Variants in SYNE2 observed in about 807,000 individuals in gnomAD.
SYNE2 encodes spectrin repeat containing nuclear envelope protein 2.
Under a neutral mutation model 856.3 loss-of-function variants are expected in SYNE2, and 431 were observed. That is an observed-to-expected ratio of 0.50 (90% confidence interval 0.47 to 0.55). SYNE2 has a LOEUF of 0.55. SYNE2 is among the 20% of genes least tolerant of loss of function. The probability of loss-of-function intolerance (pLI) is 0.00; values close to 1 mark genes in which losing one functional copy is unlikely to be tolerated. For synonymous variants in SYNE2, 2,923 were observed against 2,872.3 expected (o/e 1.02, Z -0.56); for missense variants, 8,129 against 8,023.2 (o/e 1.01, Z -0.50).
chr14:63,893,287 G>A (rs879635193), intron 1 of SYNE2, among the ~76,000 whole-genome samples: 5 of 152,312 alleles, frequency 3.3e-5, no homozygotes, highest in Admixed American at 6.5e-5. Context: ...GGCCAGGTGC[G>A]GTGGCTCGCA....
chr14:64,053,293 C>T lies in SYNE2; in HGVS notation c.9380C>T (p.Ala3127Val). The T allele has an allele frequency of 6.2e-7, 1 of 1,607,952 alleles. No individual in the cohort carries two copies. The highest frequency in any genetic ancestry group is 2.2e-5 in the East Asian group (1 of 44,858). The part of the protein sequence containing the change: ...EKEILQIKLN[A>V]EENDKLYKVL... ...GAAATACTACAAATAAAGCTGAATGCAGAAGAAAATGATAAGTTATACAAA... is the reference window on the plus strand; with the variant it reads ...GAAATACTACAAATAAAGCTGAATGTAGAAGAAAATGATAAGTTATACAAA... Residue 3127 changes from alanine to valine, a missense_variant, in exon 48 of 116, where the codon GCA becomes GTA. Physicochemically the swap from Ala to Val is moderately conservative, Grantham distance 64 (BLOSUM62 0). Around this residue, in one of 3 missense-constraint regions of SYNE2, gnomAD observed 5,410 missense variants for 5,284.8 expected, o/e 1.02. Transcript: ENST00000555002.
At position 64,000,688 on chromosome 14, in the gene SYNE2, GAA is replaced by G; in HGVS notation, c.3609_3610del (p.Glu1205AlafsTer6). On this transcript the variant is annotated frameshift_variant, in exon 28 of 116. Coordinates refer to ENST00000555002, the MANE Select transcript of SYNE2 (RefSeq NM_182914.3). LOFTEE classifies it high-confidence loss of function. ...IKERDTLKER[E>X]RELQMTLNTR... is the part of the protein sequence containing the mutation. The stretch of plus-strand genomic sequence containing the variant: ...GGAAAGAGACACACTAAAGGAAAGA[GAA>G]AGAGAGCTTCAGATGACTCTTAATA... 1 of 1,613,144 alleles carries G rather than the reference GAA, an allele frequency of 6.2e-7. No individual in the cohort carries two copies. Among genetic ancestry groups the G allele is most frequent in the Non-Finnish European group, 8.5e-7 (1 of 1,179,634 alleles).
Position 63,940,605 on chromosome 14 carries a change from C to G in SYNE2, c.80-9C>G. The G allele has an allele frequency of 6.2e-7, 1 of 1,613,986 alleles. No homozygotes were observed. The highest frequency in any genetic ancestry group is 1.1e-5 in the South Asian group (1 of 91,068). On this transcript the variant is annotated splice_polypyrimidine_tract_variant and intron_variant, in intron 2 of 115. Coordinates refer to ENST00000555002, the MANE Select transcript of SYNE2 (RefSeq NM_182914.3). ...GGTTTTATAACTGCTGTTGTTCTTT[C>G]TTTGATAGCTGAACAGGAAGACACC... is the stretch of plus-strand genomic sequence containing the variant.
intron 30 of SYNE2, among the ~76,000 whole-genome samples, chr14:64,003,533 T>A (rs541716142): frequency 6.6e-6 from 1 of 152,336 alleles, no homozygotes; most frequent in Admixed American, 6.5e-5. Context: ...TTGCATAATT[T>A]TTTTCCTCTT....
chr14:64,132,868 C>T (rs2098037035), intron 77 of SYNE2, among the ~76,000 whole-genome samples: 1 of 152,086 alleles, frequency 6.6e-6, no homozygotes, highest in Admixed American at 6.6e-5. Context: ...AGGCATTCCC[C>T]TCACACCTTT....
chr14:63,813,277 A>G (rs1888688700), intron 1 of SYNE2, among the ~76,000 whole-genome samples: 1 of 152,248 alleles, frequency 6.6e-6, no homozygotes, highest in Admixed American at 6.5e-5. Flanking sequence ...TTTGGCAGAA[A>G]TGAGAGTGAA....
intron 64 of SYNE2, among the ~76,000 whole-genome samples, chr14:64,103,518 G>A (rs1317334888): frequency 3.9e-5 from 6 of 152,022 alleles, no homozygotes; most frequent in Non-Finnish European, 8.8e-5. Flanking sequence ...CTTTGCTCCC[G>A]GAAGATCTCT....
At position 64,049,708 on chromosome 14, in the gene SYNE2, A is replaced by G. The variant is rs767369133; in HGVS notation, c.7475A>G (p.His2492Arg). The G allele has an allele frequency of 1.2e-6, 2 of 1,614,192 alleles. No homozygotes were observed. Among genetic ancestry groups the G allele is most frequent in the Non-Finnish European group, 1.7e-6 (2 of 1,180,018 alleles). ...ACAGAAACTGGGGCCTTGGTTCTCC[A>G]CAATATAGGATATTCGGCACAGCAT... ...NKTETGALVLHNIGYSAQHLD... is the reference protein window; with the variant it reads ...NKTETGALVLRNIGYSAQHLD... Residue 2492 changes from histidine (H) to arginine (R), a missense_variant, in exon 47 of 116, where the codon CAC becomes CGC. His to Arg is a conservative substitution (Grantham distance 29, BLOSUM62 0). Around this residue, in one of 3 missense-constraint regions of SYNE2, gnomAD observed 5,410 missense variants for 5,284.8 expected, o/e 1.02. Transcript: ENST00000555002.
chr14:63,979,046 T>A (rs1222477362), intron 14 of SYNE2, 32 bp downstream of exon 14: 1 of 1,608,700 alleles, frequency 6.2e-7, no homozygotes, highest in Non-Finnish European at 8.5e-7. Context: ...CTTAGGCAAC[T>A]CCTCCATCTC....
At position 64,002,980 on chromosome 14, in the gene SYNE2, T is replaced by C; in HGVS notation, c.4047T>C (p.Asp1349=). ...AEPVTDLSAS[D]TQVAQENTLT... Reference sequence around the variant, plus strand: ...CCGTTACAGACCTTTCAGCCTCAGATACACAGGTGGCACAAGAAAATACGT... The same window carrying C: ...CCGTTACAGACCTTTCAGCCTCAGACACACAGGTGGCACAAGAAAATACGT... Residue 1349 remains aspartate (D), a synonymous_variant, in exon 30 of 116, where the codon GAT becomes GAC. Coordinates refer to ENST00000555002, the MANE Select transcript of SYNE2 (RefSeq NM_182914.3). 6.2e-7 allele frequency: 1 copy of C among 1,614,140 alleles called. No homozygotes were observed. Among genetic ancestry groups the C allele is most frequent in the African/African-American group, 1.3e-5 (1 of 75,034 alleles).
At chr14:64,218,281 C>A in intron 108 of SYNE2, 117 bp from the exon 109 acceptor site, 1 of 907,836 alleles carries the variant, frequency 1.1e-6, no homozygotes, top group Non-Finnish European at 1.7e-6. Context: ...TAGCAAGATA[C>A]CCTTCAAAGG....
intron 1 of SYNE2, among the ~76,000 whole-genome samples, chr14:63,818,847 C>T (rs1889107828): frequency 1.3e-5 from 2 of 151,690 alleles, no homozygotes; most frequent in African/African-American, 2.4e-5. Flanking sequence ...TACAGGCACC[C>T]GCCACCATGC....
intron 65 of SYNE2, among the ~76,000 whole-genome samples, chr14:64,109,745 T>G (rs919970813): frequency 6.6e-6 from 1 of 152,224 alleles, no homozygotes; most frequent in Non-Finnish European, 1.5e-5. Flanking sequence ...TTGGTGACTG[T>G]CTTCCTGCCT....
intron 11 of SYNE2, among the ~76,000 whole-genome samples, chr14:63,973,518 G>C (rs1214520397): frequency 6.6e-6 from 1 of 150,598 alleles, no homozygotes; most frequent in Non-Finnish European, 1.5e-5. Context: ...TGTAATCCCA[G>C]CAACTGGAGA....
At chr14:63,840,203 G>A (rs1377581346) in intron 1 of SYNE2, among the ~76,000 whole-genome samples, 1 of 152,108 alleles carries the variant, frequency 6.6e-6, no homozygotes, top group Admixed American at 6.6e-5. Flanking sequence ...CTGGGAGGTT[G>A]GAGGTTGCAG....
intron 1 of SYNE2, among the ~76,000 whole-genome samples, chr14:63,813,905 A>G (rs1056393950): frequency 6.6e-6 from 1 of 152,064 alleles, no homozygotes; most frequent in Non-Finnish European, 1.5e-5. Flanking sequence ...TACAAAAAAT[A>G]TTAGCCAGGT....
chr14:64,134,300 A>C (rs2098060049), intron 78 of SYNE2, 100 bp downstream of exon 78: 1 of 1,259,388 alleles, frequency 7.9e-7, no homozygotes, highest in African/African-American at 1.5e-5. Flanking sequence ...TTTGAATTGA[A>C]ACAAAATGTT....
At chr14:64,103,417 T>C (rs2097750372) in intron 64 of SYNE2, among the ~76,000 whole-genome samples, 2 of 152,018 alleles carry the variant, frequency 1.3e-5, no homozygotes, top group South Asian at 4.2e-4. Context: ...TAAGTCTTTT[T>C]ACTCCTTATG....
At chr14:63,785,274 C>T (rs113802476) in intron 1 of SYNE2, among the ~76,000 whole-genome samples, 201 of 152,148 alleles carry the variant, frequency 1.3e-3, no homozygotes, top group African/African-American at 4.7e-3. Context: ...GCCTGAGAAA[C>T]ATGGCAAAAC....
Sources: allele counts gnomAD v4.1 joint callset (sites outside exome capture counted in the v4.1 genomes callset), GRCh38; gene constraint gnomAD v4.1.1; regional missense constraint gnomAD v4.1.1; transcripts MANE v1.5; gene names NCBI Gene and HGNC (gene_info 2026-07-23, HGNC 2026-07-21).